RBFOX2: variants seen among roughly 807,000 people sequenced by gnomAD.
The protein encoded by RBFOX2 is RNA binding fox-1 homolog 2, also known as RNA binding protein fox-1 homolog 2.
Under a neutral mutation model 49.1 loss-of-function variants are expected in RBFOX2, and 10 were observed. The ratio of observed to expected loss-of-function variants is 0.20; its 90% CI spans 0.13 to 0.35. The LOEUF is 0.35. Ranked by LOEUF, RBFOX2 falls within the 10% of genes least tolerant of loss-of-function variation. The probability of loss-of-function intolerance (pLI) is 1.00; values close to 1 mark genes in which losing one functional copy is unlikely to be tolerated. For synonymous variants in RBFOX2, 183 were observed against 187.4 expected (o/e 0.98, Z 0.19); for missense variants, 323 against 486.9 (o/e 0.66, Z 3.17).
At chr22:35,938,899 T>C (rs780740723), upstream of RBFOX2, 1 of 1,613,376 alleles carries the variant, frequency 6.2e-7, no homozygotes, top group Non-Finnish European at 8.5e-7. Flanking sequence ...AGGCTCGTTC[T>C]ATGAGAAAGA....
intron 1 of RBFOX2, among the ~76,000 whole-genome samples, chr22:35,980,989 T>TA (rs578153764): frequency 3.3e-5 from 5 of 151,996 alleles, no homozygotes; most frequent in Non-Finnish European, 5.9e-5. Context: ...AGAAAAATGG[T>TA]AAAAAAGCAC....
At chr22:35,882,238 G>A (rs192950078) in intron 1 of RBFOX2, among the ~76,000 whole-genome samples, 3 of 152,252 alleles carry the variant, frequency 2.0e-5, no homozygotes, top group Admixed American at 1.3e-4. Flanking sequence ...AAGTATCCAA[G>A]AAAGTGAATT....
intron 1 of RBFOX2, among the ~76,000 whole-genome samples, chr22:35,987,653 A>C (rs1468681579): frequency 6.6e-6 from 1 of 152,202 alleles, no homozygotes; most frequent in Non-Finnish European, 1.5e-5. Flanking sequence ...GTCATAAAGA[A>C]GCGTGTGATA....
chr22:35,783,047 C>T (rs947372743), intron 2 of RBFOX2, among the ~76,000 whole-genome samples: 3 of 152,144 alleles, frequency 2.0e-5, no homozygotes, highest in South Asian at 2.1e-4. Context: ...TACCATAACC[C>T]GGTAAATTGA....
At chr22:35,903,163 T>C (rs1250124297) in intron 1 of RBFOX2, among the ~76,000 whole-genome samples, 2 of 152,146 alleles carry the variant, frequency 1.3e-5, no homozygotes. Context: ...TTGTTGTCTA[T>C]ATCTGTCTCA....
intron 1 of RBFOX2, chr22:35,897,676 A>G: frequency 3.2e-6 from 4 of 1,268,472 alleles, no homozygotes; most frequent in Non-Finnish European, 4.6e-6. Flanking sequence ...GGATACATCT[A>G]CGACGTATAC....
chr22:35,847,950 T>C (rs553500637), intron 1 of RBFOX2, among the ~76,000 whole-genome samples: 2 of 152,290 alleles, frequency 1.3e-5, no homozygotes, highest in South Asian at 2.1e-4. Flanking sequence ...ACAGGAACTC[T>C]TTAATCCACC....
intron 3 of RBFOX2, among the ~76,000 whole-genome samples, chr22:35,779,826 A>G (rs947113766): frequency 6.6e-6 from 1 of 152,168 alleles, no homozygotes; most frequent in African/African-American, 2.4e-5. Context: ...GGAAAAAATT[A>G]TTTCTTTTGC....
chr22:35,818,021 C>G (rs770529164), intron 1 of RBFOX2, among the ~76,000 whole-genome samples: 2 of 151,988 alleles, frequency 1.3e-5, no homozygotes, highest in African/African-American at 2.4e-5. Flanking sequence ...AAAGCCAGTC[C>G]GGTCTTTCCC....
intron 1 of RBFOX2, among the ~76,000 whole-genome samples, chr22:35,981,231 C>T (rs921590834): frequency 6.6e-5 from 10 of 152,182 alleles, no homozygotes; most frequent in Admixed American, 2.0e-4. Flanking sequence ...TAAAGCCCAT[C>T]CTCTTTCTGT....
At chr22:35,765,977 A>T (rs1315120203) in intron 5 of RBFOX2, among the ~76,000 whole-genome samples, 1 of 152,288 alleles carries the variant, frequency 6.6e-6, no homozygotes, top group Admixed American at 6.5e-5. Flanking sequence ...TAAGTAAACA[A>T]ATATAGAAAC....
chr22:35,778,097 A>C lies in RBFOX2; in HGVS notation c.400-19T>G, dbSNP rs2147022437. 2 of 1,595,038 alleles carry C rather than the reference A, an allele frequency of 1.3e-6. No individual in the cohort carries two copies. The highest frequency in any genetic ancestry group is 4.5e-5 in the East Asian group (2 of 44,748). On this transcript the variant is annotated intron_variant, in intron 3 of 11. Coordinates refer to ENST00000405409, the Ensembl canonical transcript of RBFOX2. ...CAAACTGCTGCAGAGATAAAAATAA[A>C]AACGTTTACTTATGGTCAGGTTTTT...
chr22:35,950,641 A>C (rs1468046358), intron 1 of RBFOX2, among the ~76,000 whole-genome samples: 1 of 152,144 alleles, frequency 6.6e-6, no homozygotes, highest in Admixed American at 6.5e-5. Context: ...CTGCTGGTAT[A>C]AGTCCATAGG....
intron 1 of RBFOX2, among the ~76,000 whole-genome samples, chr22:35,949,520 G>A (rs186233512): frequency 1.3e-4 from 20 of 152,250 alleles, no homozygotes; most frequent in Admixed American, 2.0e-4. Context: ...AATTTCCACC[G>A]GCAAAGCACA....
intron 1 of RBFOX2, among the ~76,000 whole-genome samples, chr22:35,960,140 T>C (rs1215008089): frequency 2.0e-5 from 3 of 152,204 alleles, no homozygotes; most frequent in Non-Finnish European, 4.4e-5. Context: ...TCCAGGCACA[T>C]TCTACCTCAG....
intron 1 of RBFOX2, among the ~76,000 whole-genome samples, chr22:36,008,675 G>C (rs1375476073): frequency 1.3e-5 from 2 of 152,032 alleles, no homozygotes; most frequent in African/African-American, 4.8e-5. Context: ...AAAATTAACT[G>C]GGCGTGGTGG....
At chr22:35,821,931 T>C (rs1230947605) in intron 1 of RBFOX2, 1 of 518,970 alleles carries the variant, frequency 1.9e-6, no homozygotes, top group South Asian at 1.4e-5. Context: ...CATAAACACC[T>C]CTTCACACCT....
At chr22:35,965,765 T>G (rs914530899), upstream of RBFOX2, among the ~76,000 whole-genome samples, 12 of 152,164 alleles carry the variant, frequency 7.9e-5, no homozygotes, top group African/African-American at 2.9e-4. Context: ...CAAAAATGTA[T>G]GTGCACACTC....
chr22:35,953,451 A>G (rs532951405), intron 1 of RBFOX2, among the ~76,000 whole-genome samples: 2 of 152,254 alleles, frequency 1.3e-5, no homozygotes, highest in South Asian at 4.2e-4. Context: ...AATCTCCAGA[A>G]CAGGTAAATT....
Sources: allele counts gnomAD v4.1 joint callset (sites outside exome capture counted in the v4.1 genomes callset), GRCh38; gene constraint gnomAD v4.1.1; transcripts MANE v1.5; gene names NCBI Gene and HGNC (gene_info 2026-07-23, HGNC 2026-07-21).